The following GABRB2 variants were observed in gnomAD, a reference collection of about 807,000 sequenced individuals.
The protein encoded by GABRB2 is gamma-aminobutyric acid receptor subunit beta-2.
Under a neutral mutation model 54.7 loss-of-function variants are expected in GABRB2, and 16 were observed. The observed-to-expected ratio is 0.29, with a 90% CI of 0.20 to 0.44. The LOEUF (loss-of-function observed/expected upper bound fraction) is 0.44, where lower values mean the gene tolerates loss of function less well. Among genes scored for constraint, GABRB2 ranks in the 20% least tolerant of loss-of-function variants. The pLI, the probability that GABRB2 is intolerant of heterozygous loss-of-function variation, is 1.00. For missense variants in GABRB2, 355 were observed against 644.0 expected (o/e 0.55, Z 4.86); for synonymous variants, 244 against 233.8 (o/e 1.04, Z -0.40).
At chr5:161,297,627 G>A (rs952314247) in intron 9 of GABRB2, among the ~76,000 whole-genome samples, 1 of 151,932 alleles carries the variant, frequency 6.6e-6, no homozygotes, top group Non-Finnish European at 1.5e-5. Context: ...CTTTTTTATG[G>A]CTGTATAGTA....
intron 9 of GABRB2, among the ~76,000 whole-genome samples, chr5:161,315,042 T>C (rs577247656): frequency 6.6e-6 from 1 of 152,282 alleles, no homozygotes; most frequent in South Asian, 2.1e-4. Flanking sequence ...AGTAATATGG[T>C]AGAAGTATGT....
intron 8 of GABRB2, among the ~76,000 whole-genome samples, chr5:161,327,851 G>GA (rs36090634): frequency 6.7e-4 from 99 of 147,370 alleles, no homozygotes; most frequent in East Asian, 2.0e-3. Context: ...CTTGATCTTG[G>GA]AAAAAAAAAA....
At chr5:161,421,393 G>A (rs540874490) in intron 4 of GABRB2, among the ~76,000 whole-genome samples, 2 of 152,186 alleles carry the variant, frequency 1.3e-5, no homozygotes, top group East Asian at 1.9e-4. Context: ...CTTTCCCACC[G>A]CCACATGTTT....
intron 3 of GABRB2, among the ~76,000 whole-genome samples, chr5:161,501,531 G>C (rs1335980271): frequency 6.6e-6 from 1 of 152,032 alleles, no homozygotes; most frequent in East Asian, 1.9e-4. Context: ...CAATGTTATT[G>C]GCACAGATTC....
At chr5:161,519,966 A>G (rs1427906593) in intron 3 of GABRB2, among the ~76,000 whole-genome samples, 1 of 152,132 alleles carries the variant, frequency 6.6e-6, no homozygotes, top group Non-Finnish European at 1.5e-5. Flanking sequence ...TTTTCTTTTT[A>G]TAGTTCTTTT....
intron 3 of GABRB2, among the ~76,000 whole-genome samples, chr5:161,502,161 A>G (rs1581038654): frequency 6.6e-6 from 1 of 151,610 alleles, no homozygotes; most frequent in East Asian, 1.9e-4. Flanking sequence ...ATGTACCTTC[A>G]TTATGTTGAT....
intron 5 of GABRB2, among the ~76,000 whole-genome samples, chr5:161,377,851 C>T: frequency 6.6e-6 from 1 of 152,122 alleles, no homozygotes; most frequent in Non-Finnish European, 1.5e-5. Context: ...ACAGTGTCTA[C>T]ATTTGCAGAT....
At chr5:161,451,094 C>T (rs998969965) in intron 4 of GABRB2, among the ~76,000 whole-genome samples, 4 of 152,080 alleles carry the variant, frequency 2.6e-5, no homozygotes, top group Non-Finnish European at 5.9e-5. Context: ...ACTCAGTCAT[C>T]CTGTGGTAAA....
At chr5:161,389,527 A>G (rs1755752156) in intron 5 of GABRB2, among the ~76,000 whole-genome samples, 1 of 151,626 alleles carries the variant, frequency 6.6e-6, no homozygotes, top group South Asian at 2.1e-4. Flanking sequence ...ATAAAAACAT[A>G]TAAAATGTGT....
At chr5:161,332,430 C>G (rs1753880237) in intron 7 of GABRB2, among the ~76,000 whole-genome samples, 1 of 152,034 alleles carries the variant, frequency 6.6e-6, no homozygotes, top group African/African-American at 2.4e-5. Context: ...CATTCTAGGA[C>G]TGCTTATGGA....
intron 5 of GABRB2, among the ~76,000 whole-genome samples, chr5:161,405,542 C>G (rs955188131): frequency 6.6e-6 from 1 of 152,048 alleles, no homozygotes; most frequent in Admixed American, 6.6e-5. Flanking sequence ...AAGTCTATCT[C>G]TATTCAAACA....
intron 4 of GABRB2, among the ~76,000 whole-genome samples, chr5:161,426,731 A>G (rs2113161329): frequency 6.6e-6 from 1 of 152,290 alleles, no homozygotes; most frequent in South Asian, 2.1e-4. Flanking sequence ...ACTCAGAAGA[A>G]AAGGGTATAA....
At chr5:161,367,226 T>C (rs1754996372) in intron 5 of GABRB2, among the ~76,000 whole-genome samples, 1 of 152,214 alleles carries the variant, frequency 6.6e-6, no homozygotes, top group Admixed American at 6.5e-5. Flanking sequence ...ATTTTGCATT[T>C]TTAAAACTAT....
intron 3 of GABRB2, among the ~76,000 whole-genome samples, chr5:161,504,734 C>T (rs1561674608): frequency 7.5e-6 from 1 of 133,896 alleles, no homozygotes; most frequent in South Asian, 2.3e-4. Flanking sequence ...TTAAGTAAAT[C>T]AATAAGACTA....
chr5:161,522,018 C>T (rs1334658334), intron 3 of GABRB2, among the ~76,000 whole-genome samples: 7 of 151,756 alleles, frequency 4.6e-5, no homozygotes, highest in Non-Finnish European at 8.9e-5. Context: ...TTAATTTTTC[C>T]TCTATCACAG....
At chr5:161,338,853 A>T (rs192117596) in intron 5 of GABRB2, among the ~76,000 whole-genome samples, 20 of 152,280 alleles carry the variant, frequency 1.3e-4, no homozygotes, top group Admixed American at 9.8e-4. Flanking sequence ...CATTCTAGGT[A>T]TTAAGTGAAT....
intron 3 of GABRB2, among the ~76,000 whole-genome samples, chr5:161,480,333 T>C (rs1219253103): frequency 6.6e-6 from 1 of 151,992 alleles, no homozygotes; most frequent in Admixed American, 6.6e-5. Flanking sequence ...TATATGTAGA[T>C]AATAATAATA....
chr5:161,315,422 C>T (rs1474044906), intron 9 of GABRB2, among the ~76,000 whole-genome samples: 1 of 152,100 alleles, frequency 6.6e-6, no homozygotes, highest in Non-Finnish European at 1.5e-5. Flanking sequence ...GAGCATGTTT[C>T]ATCAATGACT....
intron 9 of GABRB2, among the ~76,000 whole-genome samples, chr5:161,322,231 T>C (rs1246558011): frequency 6.6e-6 from 1 of 152,120 alleles, no homozygotes; most frequent in African/African-American, 2.4e-5. Flanking sequence ...AAAAGTTTAT[T>C]ATGTTATTAT....
Sources: gnomAD v4.1 joint callset for allele counts (sites outside exome capture counted in the v4.1 genomes callset) on GRCh38, gnomAD v4.1.1 for gene constraint, MANE v1.5 for transcripts, NCBI Gene and HGNC (gene_info 2026-07-23, HGNC 2026-07-21) for gene names.